The following SPATA21 variants were observed in gnomAD, a reference collection of about 807,000 sequenced individuals.
The protein encoded by SPATA21 is spermatogenesis associated 21, also known as spermatogenesis-associated protein 21.
A neutral mutation model predicts 54.8 loss-of-function variants in SPATA21; 47 were observed. The observed-to-expected ratio is 0.86, with a 90% CI of 0.68 to 1.09. SPATA21 has a LOEUF of 1.09. Ranked by LOEUF, SPATA21 falls within the 50% of genes least tolerant of loss-of-function variation. The probability of loss-of-function intolerance (pLI) is 0.00; values close to 1 mark genes in which losing one functional copy is unlikely to be tolerated. For missense variants in SPATA21, 599 were observed against 596.4 expected (o/e 1.00, Z -0.05); for synonymous variants, 245 against 235.3 (o/e 1.04, Z -0.38).
intron 5 of SPATA21, chr1:16,410,778 C>G: frequency 2.7e-6 from 1 of 366,938 alleles, no homozygotes; most frequent in Non-Finnish European, 5.6e-6. Context: ...AACTCCTGAC[C>G]TCAAGTGATC....
intron 3 of SPATA21, among the ~76,000 whole-genome samples, chr1:16,422,608 G>A (rs1202389647): frequency 6.6e-6 from 1 of 151,686 alleles, no homozygotes; most frequent in Non-Finnish European, 1.5e-5. Context: ...TGAGCTCAAG[G>A]GATCCCCCTG....
At position 16,421,545 on chromosome 1, in the gene SPATA21, C is replaced by T. The variant is rs1432013919; in HGVS notation, c.108G>A (p.Val36=). The T allele has an allele frequency of 6.2e-7, 1 of 1,613,620 alleles. No homozygotes were observed. The highest frequency in any genetic ancestry group is 8.5e-7 in the Non-Finnish European group (1 of 1,179,868). The part of the protein sequence containing the change: ...PKKAKGGGEA[V]ETHPAPGPLP... ...GAGGCCCCGGTGCTGGGTGGGTCTC[C>T]ACAGCCTCACCCCTGAATAGAAGAG... Residue 36 remains valine, a synonymous_variant, in exon 5 of 13, where the codon GTG becomes GTA. Coordinates refer to ENST00000335496, the MANE Select transcript of SPATA21 (RefSeq NM_198546.1). The surrounding 1 kb of genome is among the most constrained non-coding windows in gnomAD (Gnocchi z 5.2).
At chr1:16,431,121 G>C in intron 3 of SPATA21, 1 of 1,134,332 alleles carries the variant, frequency 8.8e-7, no homozygotes, top group South Asian at 1.7e-5. Flanking sequence ...AGTTTGAATT[G>C]GGTTTTGTGT....
At chr1:16,425,176 G>T (rs557944645) in intron 3 of SPATA21, 27 of 478,242 alleles carry the variant, frequency 5.6e-5, no homozygotes, top group Non-Finnish European at 8.3e-6. Context: ...CTCCAGAAGT[G>T]CTGGGATTAA....
At chr1:16,399,579 C>G in intron 11 of SPATA21, 58 bp from the exon 12 acceptor site, 1 of 1,551,368 alleles carries the variant, frequency 6.4e-7, no homozygotes, top group South Asian at 1.2e-5. Context: ...CCTTGGGAAG[C>G]AGGCAGATTC....
chr1:16,426,557 C>CTATATA (rs778670029), intron 3 of SPATA21, among the ~76,000 whole-genome samples: 111 of 85,788 alleles, frequency 1.3e-3, no homozygotes, highest in African/African-American at 3.8e-3. Context: ...TGGTGCCCGG[C>CTATATA]TATATATATA....
At chr1:16,435,361 G>A (rs1429508221) in intron 1 of SPATA21, among the ~76,000 whole-genome samples, 1 of 151,908 alleles carries the variant, frequency 6.6e-6, no homozygotes, top group East Asian at 1.9e-4. Context: ...CTGTCACCCA[G>A]GGTGGAGTGC....
At chr1:16,424,265 A>G (rs1464292051) in intron 3 of SPATA21, among the ~76,000 whole-genome samples, 5 of 37,866 alleles carry the variant, frequency 1.3e-4, no homozygotes, top group African/African-American at 4.3e-4. Flanking sequence ...GTGAGCCGAG[A>G]TTGCGCCACT....
chr1:16,416,151 C>T (rs2085999644), intron 5 of SPATA21, among the ~76,000 whole-genome samples: 1 of 152,228 alleles, frequency 6.6e-6, no homozygotes, highest in African/African-American at 2.4e-5. Context: ...ATCTGTGCCA[C>T]AAGTGCAGTC....
chr1:16,422,023 G>T (rs767212597), intron 3 of SPATA21, 52 bp from the exon 4 acceptor site: 1 of 1,613,826 alleles, frequency 6.2e-7, no homozygotes, highest in South Asian at 1.1e-5. Context: ...CTGTCCCCAT[G>T]TCCCCCTGGG....
chr1:16,405,333 C>G (rs74803312), intron 7 of SPATA21, among the ~76,000 whole-genome samples: 1 of 151,986 alleles, frequency 6.6e-6, no homozygotes, highest in Non-Finnish European at 1.5e-5. Context: ...GAAACCCTAT[C>G]TCTACTAAAG....
intron 7 of SPATA21, among the ~76,000 whole-genome samples, chr1:16,406,376 T>C (rs1213571998): frequency 6.6e-6 from 1 of 152,140 alleles, no homozygotes; most frequent in Admixed American, 6.6e-5. Context: ...ATAGGGCCTT[T>C]AAAGAGGTGA....
At chr1:16,434,775 C>T (rs1007894906) in intron 1 of SPATA21, among the ~76,000 whole-genome samples, 1 of 152,206 alleles carries the variant, frequency 6.6e-6, no homozygotes. Context: ...GTGGCTGTAT[C>T]ATTTTACCTT....
At chr1:16,402,418 C>T (rs1251363228) in intron 10 of SPATA21, among the ~76,000 whole-genome samples, 4 of 151,434 alleles carry the variant, frequency 2.6e-5, no homozygotes, top group Admixed American at 6.6e-5. Context: ...CCCGCCACCA[C>T]GCCCAGCTAA....
chr1:16,425,537 G>A (rs1367755229), intron 3 of SPATA21: 2 of 1,548,906 alleles, frequency 1.3e-6, no homozygotes, highest in East Asian at 2.5e-5. Flanking sequence ...GCAGCTCTCA[G>A]GAGGCTGATC....
intron 11 of SPATA21, chr1:16,400,462 T>TAAAAA: frequency 1.6e-6 from 2 of 1,227,068 alleles, no homozygotes; most frequent in South Asian, 2.6e-5. Context: ...TCTTTCTCAG[T>TAAAAA]CCTGGCTCAT....
rs2086383554 is a variant in SPATA21, at chr1:16,428,750, G to A, written c.34+2588C>T. ...ACCTGGAGCCAGTGACTGAGACCCC[G>A]CTCCAAGCATCACCGGAGTCAGCAA... is the stretch of plus-strand genomic sequence containing the variant. On this transcript the variant is annotated intron_variant, in intron 3 of 12. Transcript: ENST00000335496. The surrounding 1 kb of genome is among the most constrained non-coding windows in gnomAD (Gnocchi z 4.3). 6.6e-6 allele frequency among the ~76,000 whole-genome samples: 1 copy of A among 152,100 alleles called. No individual in the cohort carries two copies. The highest frequency in any genetic ancestry group is 1.5e-5 in the Non-Finnish European group (1 of 68,012).
rs778670029 is a variant in SPATA21, at chr1:16,426,557, C to CTATA, written c.35-4590_35-4587dup. Among the ~76,000 whole-genome samples the CTATA allele has an allele frequency of 1.9e-3, 161 of 85,782 alleles. 1 individual carries two copies. Among genetic ancestry groups the CTATA allele is most frequent in the Middle Eastern group, 7.1e-3 (1 of 140 alleles). 56.3% of individuals were successfully genotyped at this position (85,782 alleles called of 152,430 possible). A position where few individuals can be genotyped will look rare whatever the true frequency, so the allele number is the denominator to read the frequency against. ...TACAGGCGTGAACCATGGTGCCCGG[C>CTATA]TATATATATATATATATATATATTT... On this transcript the variant is annotated intron_variant, in intron 3 of 12. Coordinates refer to ENST00000335496, the MANE Select transcript of SPATA21 (RefSeq NM_198546.1).
At chr1:16,400,619 T>C (rs1255782853) in intron 11 of SPATA21, 101 bp downstream of exon 11, 13 of 1,502,708 alleles carry the variant, frequency 8.7e-6, no homozygotes, top group Middle Eastern at 2.1e-4. Flanking sequence ...GCCTCTCAGC[T>C]CCCTTGGCCT....
Sources: gnomAD v4.1 joint callset for allele counts (sites outside exome capture counted in the v4.1 genomes callset) on GRCh38, gnomAD v4.1.1 for gene constraint, Gnocchi (gnomAD v3.1) non-coding constraint, MANE v1.5 for transcripts, NCBI Gene and HGNC (gene_info 2026-07-23, HGNC 2026-07-21) for gene names.